SFXN5: variants seen among roughly 807,000 people sequenced by gnomAD.
The protein encoded by SFXN5 is sideroflexin-5.
Under a neutral mutation model 50.2 loss-of-function variants are expected in SFXN5, and 43 were observed. That is an observed-to-expected ratio of 0.86 (90% CI 0.67 to 1.11). SFXN5 has a LOEUF of 1.11. Ranked by LOEUF, SFXN5 falls within the 50% of genes least tolerant of loss-of-function variation. SFXN5 has a pLI of 0.00. For synonymous variants in SFXN5, 203 were observed against 185.8 expected (o/e 1.09, Z -0.75); for missense variants, 463 against 454.1 (o/e 1.02, Z -0.18).
chr2:73,029,163 G>A (rs1271929935), intron 3 of SFXN5, among the ~76,000 whole-genome samples: 1 of 152,148 alleles, frequency 6.6e-6, no homozygotes, highest in East Asian at 1.9e-4. Context: ...GGAGGATAGT[G>A]AGGCCCTAAA....
At chr2:72,970,622 G>A (rs534599998) in intron 11 of SFXN5, among the ~76,000 whole-genome samples, 13 of 151,924 alleles carry the variant, frequency 8.6e-5, no homozygotes, top group African/African-American at 2.2e-4. Flanking sequence ...GCAGCAAGAC[G>A]AGCCACTAAC....
At chr2:72,969,389 GT>G (rs956050166) in intron 11 of SFXN5, among the ~76,000 whole-genome samples, 1 of 151,806 alleles carries the variant, frequency 6.6e-6, no homozygotes, top group Admixed American at 6.6e-5. Flanking sequence ...TGTTGTTGGT[GT>G]TTTTTTTGTT....
rs184150711 is a variant in SFXN5, at chr2:72,991,772, G to A, written c.535-3424C>T. ...CCAGCTCGTTTTTCCCTGGCACGGCGGGTCCTGTTTAAGGGAACCAGCTGG... is the reference window on the plus strand; with the variant it reads ...CCAGCTCGTTTTTCCCTGGCACGGCAGGTCCTGTTTAAGGGAACCAGCTGG... On this transcript the variant is annotated intron_variant, in intron 9 of 13. Transcript: ENST00000272433. Among the ~76,000 whole-genome samples, 818 of 152,326 alleles carry A rather than the reference G, an allele frequency of 5.4e-3. 6 individuals are homozygous for A. Among genetic ancestry groups the A allele is most frequent in the Non-Finnish European group, 7.2e-3 (490 of 68,030 alleles).
In SFXN5 at chr2:73,009,827, T is replaced by C. The variant is rs116324460; in HGVS notation, c.358-8249A>G. On this transcript the variant is annotated intron_variant, in intron 6 of 13. Coordinates refer to ENST00000272433, the MANE Select transcript of SFXN5 (RefSeq NM_144579.3). ...CTACAGGGCCATAGTGACCCTGCAA[T>C]GATGGGCTTGTCTAGGGTAGGGTAA... Among the ~76,000 whole-genome samples, 1,140 of 151,456 alleles carry C rather than the reference T, an allele frequency of 7.5e-3. 7 individuals carry two copies. The highest frequency in any genetic ancestry group is 0.012 in the Non-Finnish European group (808 of 67,920).
In SFXN5 at chr2:72,998,948, C is replaced by G; in HGVS notation, c.534+1G>C. On this transcript the variant is annotated splice_donor_variant, in intron 9 of 13. Transcript: ENST00000272433. LOFTEE classifies it high-confidence loss of function. ...GAAGGAGCAGGGGAGGGAGTACTCA[C>G]AGCAATGGAGACGGCGCTGATGACA... 1 of 1,613,974 alleles carries G rather than the reference C, an allele frequency of 6.2e-7. No homozygotes were observed. Among genetic ancestry groups the G allele is most frequent in the Non-Finnish European group, 8.5e-7 (1 of 1,179,950 alleles).
At chr2:72,946,842 G>A (rs1013643907) in intron 13 of SFXN5, among the ~76,000 whole-genome samples, 4 of 152,070 alleles carry the variant, frequency 2.6e-5, no homozygotes, top group Admixed American at 6.5e-5. Context: ...CTGTGAAATG[G>A]CTCCATGGCA....
chr2:72,994,167 A>C (rs951528163), intron 9 of SFXN5, among the ~76,000 whole-genome samples: 1 of 152,172 alleles, frequency 6.6e-6, no homozygotes, highest in Non-Finnish European at 1.5e-5. Context: ...AGGCCCTGTC[A>C]CTTACTTCAC....
intron 3 of SFXN5, among the ~76,000 whole-genome samples, chr2:73,037,056 C>T (rs1679079045): frequency 6.6e-6 from 1 of 152,248 alleles, no homozygotes; most frequent in African/African-American, 2.4e-5. Flanking sequence ...TGCATTTGCC[C>T]TCTATTCCCA....
intron 2 of SFXN5, among the ~76,000 whole-genome samples, chr2:73,054,526 A>G (rs1681836880): frequency 6.6e-6 from 1 of 152,128 alleles, no homozygotes; most frequent in African/African-American, 2.4e-5. Context: ...CGAGAATGGG[A>G]GGAGGAGGGA....
chr2:72,964,373 A>G (rs56272827), intron 12 of SFXN5, among the ~76,000 whole-genome samples: 51,817 of 152,234 alleles, frequency 0.34, 12,407 homozygotes, highest in African/African-American at 0.67. Context: ...CAAAGGCTAT[A>G]GGGTGCGTGG....
intron 3 of SFXN5, among the ~76,000 whole-genome samples, chr2:73,032,722 G>C (rs1678473377): frequency 6.6e-6 from 1 of 152,156 alleles, no homozygotes; most frequent in African/African-American, 2.4e-5. Flanking sequence ...ACCTCCCAAG[G>C]CAGCAAAGAC....
chr2:72,969,647 CA>C (rs1674913147), intron 11 of SFXN5, among the ~76,000 whole-genome samples: 1 of 151,712 alleles, frequency 6.6e-6, no homozygotes, highest in South Asian at 2.1e-4. Context: ...CCACCCCCCT[CA>C]GCCTCCAAAA....
At chr2:73,001,454 A>T (rs1021113633) in intron 7 of SFXN5, 71 bp downstream of exon 7, 9 of 1,529,102 alleles carry the variant, frequency 5.9e-6, no homozygotes, top group Non-Finnish European at 8.2e-6. Flanking sequence ...GAGACACCAC[A>T]GCAGGGAGTT....
In SFXN5 at chr2:72,973,333, C is replaced by T. The variant is rs1161459036; in HGVS notation, c.626-1648G>A. On this transcript the variant is annotated intron_variant, in intron 10 of 13. Transcript: ENST00000272433. This position sits in a 1 kb window ranked among gnomAD's most constrained non-coding sequence, Gnocchi z 5.5. Reference sequence around the variant, plus strand: ...GGCATGCTCACCTGCCCTAAACAGCCGCTCTCTGCCAGGGGCGGTTCTGTG... The same window carrying T: ...GGCATGCTCACCTGCCCTAAACAGCTGCTCTCTGCCAGGGGCGGTTCTGTG... 1.8e-5 allele frequency: 3 copies of T among 169,220 alleles called. No individual in the cohort carries two copies. Among genetic ancestry groups the T allele is most frequent in the East Asian group, 1.9e-4 (1 of 5,182 alleles). The allele number at this position is 169,220 out of a possible 1,614,324, so 10.5% of individuals were successfully genotyped here.
At chr2:72,990,016 C>A (rs1672389598) in intron 9 of SFXN5, among the ~76,000 whole-genome samples, 1 of 152,240 alleles carries the variant, frequency 6.6e-6, no homozygotes, top group Admixed American at 6.5e-5. Context: ...GGACGCAGAG[C>A]CTTGGGAAGG....
At chr2:73,013,863 C>T (rs1188148184) in intron 6 of SFXN5, among the ~76,000 whole-genome samples, 2 of 152,164 alleles carry the variant, frequency 1.3e-5, no homozygotes, top group East Asian at 1.9e-4. Flanking sequence ...AATTTCATTG[C>T]TTTCTCTCCC....
chr2:72,966,638 T>C (rs1406909817), intron 12 of SFXN5, among the ~76,000 whole-genome samples: 1 of 152,184 alleles, frequency 6.6e-6, no homozygotes, highest in East Asian at 1.9e-4. Context: ...CCTCATCAGC[T>C]GGACCCATGA....
At chr2:73,071,524 G>A (rs1161925900) in intron 1 of SFXN5, 80 bp downstream of exon 1, 1 of 1,371,462 alleles carries the variant, frequency 7.3e-7, no homozygotes, top group East Asian at 2.5e-5. Context: ...AGACCCTTGG[G>A]CGGAAGGGGA....
chr2:73,053,888 C>G (rs1253864300), intron 2 of SFXN5, among the ~76,000 whole-genome samples: 1 of 152,168 alleles, frequency 6.6e-6, no homozygotes, highest in African/African-American at 2.4e-5. Flanking sequence ...CCCAGGACAC[C>G]AGCCAAGGGC....
Sources: gnomAD v4.1 joint callset for allele counts (sites outside exome capture counted in the v4.1 genomes callset) on GRCh38, gnomAD v4.1.1 for gene constraint, Gnocchi (gnomAD v3.1) non-coding constraint, MANE v1.5 for transcripts, NCBI Gene and HGNC (gene_info 2026-07-23, HGNC 2026-07-21) for gene names.